The following SDK1 variants were observed in gnomAD, a reference collection of about 807,000 sequenced individuals.
SDK1 encodes the protein sidekick cell adhesion molecule 1.
Under a neutral mutation model 245.5 loss-of-function variants are expected in SDK1, and 157 were observed. The observed-to-expected ratio is 0.64, with a 90% CI of 0.56 to 0.73. The LOEUF is 0.73. Ranked by LOEUF, SDK1 falls within the 30% of genes least tolerant of loss-of-function variation. The pLI, the probability that SDK1 is intolerant of heterozygous loss-of-function variation, is 0.00. For missense variants in SDK1, 3,583 were observed against 3,002.3 expected, an observed-to-expected ratio of 1.19 and a Z score of -4.52; for synonymous variants, 1,647 against 1,278.5, an observed-to-expected ratio of 1.29 and a Z score of -6.15.
intron 4 of SDK1, among the ~76,000 whole-genome samples, chr7:3,727,735 C>T (rs998584322): frequency 6.6e-6 from 1 of 152,152 alleles, no homozygotes; most frequent in Non-Finnish European, 1.5e-5. Context: ...GGGTGATCCA[C>T]CCGCCTCAGC....
chr7:3,382,068 A>G (rs1781502896), intron 1 of SDK1, among the ~76,000 whole-genome samples: 1 of 152,184 alleles, frequency 6.6e-6, no homozygotes, highest in African/African-American at 2.4e-5. Context: ...ATGCACAAGA[A>G]AAACCTATGC....
In SDK1 at chr7:3,594,209, C is replaced by T. The variant is rs140982225; in HGVS notation, c.299-24871C>T. 5.7e-3 allele frequency among the ~76,000 whole-genome samples: 871 copies of T among 152,254 alleles called. 10 individuals are homozygous for T. Among genetic ancestry groups the T allele is most frequent in the African/African-American group, 0.019 (803 of 41,540 alleles). The stretch of plus-strand genomic sequence containing the variant: ...TTATATTAATGTAATCATACATAGA[C>T]GGTTTTTGTCACTGACTTGTTTCAC... On this transcript the variant is annotated intron_variant, in intron 1 of 44. Transcript: ENST00000404826.
At chr7:3,947,232 A>G (rs1427050678) in intron 5 of SDK1, among the ~76,000 whole-genome samples, 2 of 152,138 alleles carry the variant, frequency 1.3e-5, no homozygotes, top group South Asian at 2.1e-4. Context: ...CCTGTTGTGT[A>G]ATGAGAAGCC....
intron 1 of SDK1, among the ~76,000 whole-genome samples, chr7:3,576,005 T>C (rs1192574297): frequency 1.3e-5 from 2 of 151,986 alleles, no homozygotes; most frequent in Non-Finnish European, 2.9e-5. Context: ...AATATGTTTG[T>C]TTACCTGGAC....
chr7:3,620,214 G>T (rs1474102804), intron 2 of SDK1, among the ~76,000 whole-genome samples: 1 of 152,102 alleles, frequency 6.6e-6, no homozygotes, highest in East Asian at 1.9e-4. Context: ...ACCACACTCA[G>T]CCTGCCCAGA....
intron 21 of SDK1, among the ~76,000 whole-genome samples, chr7:4,077,449 A>G (rs1323041467): frequency 6.6e-6 from 1 of 152,202 alleles, no homozygotes; most frequent in Non-Finnish European, 1.5e-5. Context: ...ATGCGTTGAA[A>G]GTGTTTAAAG....
intron 9 of SDK1, among the ~76,000 whole-genome samples, chr7:3,965,872 G>A (rs1782046610): frequency 6.6e-6 from 1 of 151,988 alleles, no homozygotes; most frequent in Non-Finnish European, 1.5e-5. Context: ...TGCATGGGCT[G>A]GAGGGGACAT....
Position 3,595,851 on chromosome 7 carries a change from AAAAAAC to A in SDK1, c.299-23226_299-23221del, listed in dbSNP as rs1424224559. ...CTCAAAAAAAAAAAAAAAAAAAAAA[AAAAAAC>A]AACAACAAAAAAGGAGGTTACAGTC... On this transcript the variant is annotated intron_variant, in intron 1 of 44. Transcript: ENST00000404826. Among the ~76,000 whole-genome samples the A allele has an allele frequency of 1.3e-3, 187 of 149,518 alleles. 1 individual carries two copies. Among genetic ancestry groups the A allele is most frequent in the African/African-American group, 4.3e-3 (176 of 40,482 alleles).
At chr7:3,687,952 A>C (rs1202879219) in intron 4 of SDK1, among the ~76,000 whole-genome samples, 4 of 152,186 alleles carry the variant, frequency 2.6e-5, no homozygotes, top group African/African-American at 9.6e-5. Context: ...GCTTAGAGTA[A>C]GGGAATGAGA....
intron 5 of SDK1, among the ~76,000 whole-genome samples, chr7:3,822,208 C>A (rs1257544090): frequency 6.6e-6 from 1 of 152,014 alleles, no homozygotes; most frequent in South Asian, 2.1e-4. Context: ...GGAAAATCAC[C>A]CAAAGCAGGA....
chr7:3,357,768 C>T (rs943565463), intron 1 of SDK1, among the ~76,000 whole-genome samples: 2 of 152,068 alleles, frequency 1.3e-5, no homozygotes, highest in Non-Finnish European at 2.9e-5. Flanking sequence ...ACAAAGTCCC[C>T]AGTGACAGTA....
intron 35 of SDK1, among the ~76,000 whole-genome samples, chr7:4,190,370 G>A (rs1783123717): frequency 6.6e-6 from 1 of 152,338 alleles, no homozygotes; most frequent in Admixed American, 6.5e-5. Flanking sequence ...TCTGCCGAAA[G>A]CCTACTGTGC....
chr7:3,792,512 G>C (rs1278323742), intron 4 of SDK1, among the ~76,000 whole-genome samples: 1 of 152,230 alleles, frequency 6.6e-6, no homozygotes, highest in African/African-American at 2.4e-5. Context: ...ATTCATGTTA[G>C]TTGATGAATA....
In SDK1 at chr7:3,700,221, G is replaced by A. The variant is rs186594079; in HGVS notation, c.713+58116G>A. On this transcript the variant is annotated intron_variant, in intron 4 of 44. Coordinates refer to ENST00000404826, the MANE Select transcript of SDK1 (RefSeq NM_152744.4). ...CAGGTAAAGGAAGCACTCCATAAAC[G>A]ATTTTTTATTTTTATTAAGATGAGA... 1.4e-4 allele frequency among the ~76,000 whole-genome samples: 21 copies of A among 152,162 alleles called. No individual in the cohort carries two copies. The East Asian group carries it at 3.7e-3, about 27-fold the overall frequency.
intron 2 of SDK1, among the ~76,000 whole-genome samples, chr7:3,637,596 T>G (rs1782504908): frequency 6.6e-6 from 1 of 152,242 alleles, no homozygotes. Context: ...TAAAACATCC[T>G]AATTTACAAA....
At chr7:3,307,080 T>C (rs1041036131) in intron 1 of SDK1, among the ~76,000 whole-genome samples, 1 of 152,170 alleles carries the variant, frequency 6.6e-6, no homozygotes, top group Non-Finnish European at 1.5e-5. Flanking sequence ...AAGAAAGCTA[T>C]TGATGTTTTG....
Position 4,266,137 on chromosome 7 carries a change from TG to T in SDK1, c.*755del. 1 of 985,496 alleles carries T rather than the reference TG, an allele frequency of 1.0e-6. No individual in the cohort carries two copies. The allele number at this position is 985,496 out of a possible 1,614,324, so 61.0% of individuals were successfully genotyped here. Reference sequence around the variant, plus strand: ...CTCTTAGGGCTGGAAGCCACCACGCTGGCCCTCTCCTTCCCCGAACACAGCA... The same window carrying T: ...CTCTTAGGGCTGGAAGCCACCACGCTGCCCTCTCCTTCCCCGAACACAGCA... On this transcript the variant is annotated 3_prime_UTR_variant, in exon 45 of 45. Coordinates refer to ENST00000404826, the MANE Select transcript of SDK1 (RefSeq NM_152744.4).
Position 3,526,495 on chromosome 7 carries a change from A to G in SDK1, c.299-92585A>G, listed in dbSNP as rs571572609. Among the ~76,000 whole-genome samples the G allele has an allele frequency of 2.4e-3, 368 of 152,312 alleles. 3 individuals are homozygous for G. Among genetic ancestry groups the G allele is most frequent in the South Asian group, 0.018 (87 of 4,822 alleles). ...ACATATAGTTTCCATGTATAAAGTA[A>G]TCTGAGTATATATCTTATGTGTGAG... On this transcript the variant is annotated intron_variant, in intron 1 of 44. Coordinates refer to ENST00000404826, the MANE Select transcript of SDK1 (RefSeq NM_152744.4).
intron 5 of SDK1, among the ~76,000 whole-genome samples, chr7:3,887,851 A>T (rs901004936): frequency 7.2e-5 from 11 of 152,142 alleles, no homozygotes; most frequent in African/African-American, 2.7e-4. Flanking sequence ...TTTTAACGTT[A>T]ATTTCAATAT....
Sources: gnomAD v4.1 joint callset for allele counts (sites outside exome capture counted in the v4.1 genomes callset) on GRCh38, gnomAD v4.1.1 for gene constraint, MANE v1.5 for transcripts, NCBI Gene and HGNC (gene_info 2026-07-23, HGNC 2026-07-21) for gene names.